The following CCSER1 variants were observed in gnomAD, a reference collection of about 807,000 sequenced individuals.
The protein encoded by CCSER1 is serine-rich coiled-coil domain-containing protein 1.
CCSER1 carries 41 observed loss-of-function variants against 82.0 expected under a neutral mutation model. That is an observed-to-expected ratio of 0.50 (90% CI 0.39 to 0.65). The LOEUF (loss-of-function observed/expected upper bound fraction) is 0.65. Ranked by LOEUF, CCSER1 falls within the 30% of genes least tolerant of loss-of-function variation. CCSER1 has a pLI of 0.00. For missense variants in CCSER1, 1,119 were observed against 1,064.2 expected (o/e 1.05, Z -0.72); for synonymous variants, 414 against 383.9 (o/e 1.08, Z -0.92).
chr4:90,503,000 T>C (rs1051748146), intron 5 of CCSER1, among the ~76,000 whole-genome samples: 5 of 152,088 alleles, frequency 3.3e-5, no homozygotes, highest in South Asian at 2.1e-4. Flanking sequence ...ACCGCTAAGG[T>C]AGCTCAGAGA....
intron 5 of CCSER1, among the ~76,000 whole-genome samples, chr4:90,526,009 T>G (rs570968334): frequency 3.9e-5 from 6 of 152,168 alleles, no homozygotes; most frequent in Non-Finnish European, 8.8e-5. Flanking sequence ...AATATCAACT[T>G]AGTTAAAAAA....
At position 91,468,052 on chromosome 4, in the gene CCSER1, C is replaced by T. The variant is rs186438130; in HGVS notation, c.2218-130520C>T. ...ATGCTGCTATAAAGACACATACACA[C>T]ATATGTTTATTGCAGCACTATTCAC... On this transcript the variant is annotated intron_variant, in intron 10 of 10. Transcript: ENST00000509176. 9.8e-3 allele frequency among the ~76,000 whole-genome samples: 1,486 copies of T among 152,248 alleles called. 9 individuals are homozygous for T. Among genetic ancestry groups the T allele is most frequent in the Middle Eastern group, 0.02 (6 of 294 alleles).
rs79603289 is a variant in CCSER1 at position 90,925,718 on chromosome 4, G to A, written c.2172+2271G>A. On this transcript the variant is annotated intron_variant, in intron 9 of 10. Transcript: ENST00000509176. ...AATAAAAATGTAAAATGAAGCCATG[G>A]TAATTGTTAATCCTCATTAAATCTT... Among the ~76,000 whole-genome samples the A allele has an allele frequency of 8.9e-3, 1,355 of 152,216 alleles. 19 individuals are homozygous for A. Among genetic ancestry groups the A allele is most frequent in the African/African-American group, 0.031 (1,300 of 41,556 alleles).
intron 10 of CCSER1, among the ~76,000 whole-genome samples, chr4:91,214,915 T>C (rs1014287094): frequency 6.6e-6 from 1 of 152,054 alleles, no homozygotes; most frequent in African/African-American, 2.4e-5. Flanking sequence ...ATGTATAATA[T>C]GATGGAAATT....
At chr4:90,592,490 A>C (rs1420805753) in intron 5 of CCSER1, among the ~76,000 whole-genome samples, 2 of 152,154 alleles carry the variant, frequency 1.3e-5, no homozygotes, top group East Asian at 3.9e-4. Context: ...GAAATACTCC[A>C]CAGAATTTGT....
intron 10 of CCSER1, among the ~76,000 whole-genome samples, chr4:91,563,239 C>G (rs1289512429): frequency 6.6e-6 from 1 of 151,558 alleles, no homozygotes. Flanking sequence ...AATTACATGC[C>G]AATATCTCTG....
At chr4:91,427,403 C>T (rs545630198) in intron 10 of CCSER1, among the ~76,000 whole-genome samples, 4 of 152,154 alleles carry the variant, frequency 2.6e-5, no homozygotes, top group African/African-American at 9.6e-5. Flanking sequence ...GATTGTATGT[C>T]AAGAATTACA....
At chr4:90,440,582 A>G (rs762503492) in intron 4 of CCSER1, among the ~76,000 whole-genome samples, 7 of 152,184 alleles carry the variant, frequency 4.6e-5, no homozygotes, top group Admixed American at 6.5e-5. Context: ...TTGGTGGGCA[A>G]ATGTTCTTGC....
intron 10 of CCSER1, among the ~76,000 whole-genome samples, chr4:91,167,273 G>A (rs887981721): frequency 2.2e-5 from 3 of 133,764 alleles, no homozygotes; most frequent in Non-Finnish European, 4.6e-5. Context: ...TGTAACCTTT[G>A]CCTCGTGGGT....
intron 8 of CCSER1, among the ~76,000 whole-genome samples, chr4:90,892,937 T>C (rs1723162437): frequency 6.6e-6 from 1 of 152,092 alleles, no homozygotes; most frequent in African/African-American, 2.4e-5. Context: ...ATAAAATGAT[T>C]AGATTGCTGT....
intron 10 of CCSER1, among the ~76,000 whole-genome samples, chr4:91,404,746 C>T (rs903706446): frequency 3.9e-5 from 6 of 152,022 alleles, no homozygotes; most frequent in African/African-American, 1.2e-4. Flanking sequence ...TTGATTGCAC[C>T]ATTGTCTGAG....
At chr4:90,145,197 G>C (rs1192685329) in intron 1 of CCSER1, among the ~76,000 whole-genome samples, 3 of 151,976 alleles carry the variant, frequency 2.0e-5, no homozygotes, top group Admixed American at 6.6e-5. Flanking sequence ...GCCCCAATTA[G>C]ATTTTAAATA....
chr4:91,070,740 AC>A (rs1384292033), intron 9 of CCSER1, among the ~76,000 whole-genome samples: 1 of 151,476 alleles, frequency 6.6e-6, no homozygotes, highest in African/African-American at 2.4e-5. Flanking sequence ...AACCATCCTC[AC>A]CCCCAGCGGT....
At chr4:91,230,234 G>A (rs1428361751) in intron 10 of CCSER1, among the ~76,000 whole-genome samples, 1 of 151,890 alleles carries the variant, frequency 6.6e-6, no homozygotes, top group Non-Finnish European at 1.5e-5. Context: ...TGTAGAGTAA[G>A]GATTACAACA....
chr4:90,200,667 A>T (rs1037500997), intron 1 of CCSER1, among the ~76,000 whole-genome samples: 1 of 152,004 alleles, frequency 6.6e-6, no homozygotes, highest in African/African-American at 2.4e-5. Flanking sequence ...TTGACTTGGC[A>T]AGGGTTTTTG....
intron 10 of CCSER1, among the ~76,000 whole-genome samples, chr4:91,552,753 T>A (rs1762215398): frequency 6.6e-6 from 1 of 151,628 alleles, no homozygotes; most frequent in Non-Finnish European, 1.5e-5. Flanking sequence ...CTGAATTTCT[T>A]TTTTAATTCT....
intron 10 of CCSER1, among the ~76,000 whole-genome samples, chr4:91,309,443 AAG>A (rs1745296507): frequency 6.6e-6 from 1 of 152,048 alleles, no homozygotes; most frequent in Non-Finnish European, 1.5e-5. Flanking sequence ...AATAGAAAGA[AAG>A]AGAGAAACAT....
At chr4:90,767,645 G>A (rs1232052548) in intron 7 of CCSER1, among the ~76,000 whole-genome samples, 1 of 151,246 alleles carries the variant, frequency 6.6e-6, no homozygotes, top group Admixed American at 6.6e-5. Context: ...AAAGTTAATT[G>A]TACTTTCAAA....
chr4:90,896,654 T>A (rs1033351329), intron 8 of CCSER1, among the ~76,000 whole-genome samples: 6 of 152,052 alleles, frequency 3.9e-5, no homozygotes, highest in Admixed American at 2.0e-4. Flanking sequence ...CCAATATTTT[T>A]AAATATAAAT....
Sources: gnomAD v4.1 joint callset for allele counts (sites outside exome capture counted in the v4.1 genomes callset) on GRCh38, gnomAD v4.1.1 for gene constraint, MANE v1.5 for transcripts, NCBI Gene and HGNC (gene_info 2026-07-23, HGNC 2026-07-21) for gene names.